The following ZNF787 variants were observed in gnomAD, a reference collection of about 807,000 sequenced individuals.
ZNF787 encodes zinc finger protein 787, also known as TTF-I-interacting peptide 20.
In ZNF787, 7 loss-of-function variants were observed where a neutral mutation model predicts 16.9. That is an observed-to-expected ratio of 0.42 (90% confidence interval 0.24 to 0.78). The LOEUF (loss-of-function observed/expected upper bound fraction) is 0.78. Among genes scored for constraint, ZNF787 ranks in the 30% least tolerant of loss-of-function variants. ZNF787 has a pLI of 0.30. For synonymous variants in ZNF787, 345 were observed against 270.9 expected (o/e 1.27, Z -2.69); for missense variants, 551 against 589.3 (o/e 0.94, Z 0.67).
chr19:56,100,569 TG>T (rs770792051), intron 2 of ZNF787, among the ~76,000 whole-genome samples: 1 of 152,234 alleles, frequency 6.6e-6, no homozygotes, highest in East Asian at 1.9e-4. Flanking sequence ...GCCTGCCCCA[TG>T]GGCCCCCATA....
chr19:56,116,916 A>G (rs2123432813), intron 1 of ZNF787, among the ~76,000 whole-genome samples: 1 of 152,336 alleles, frequency 6.6e-6, no homozygotes, highest in Middle Eastern at 3.4e-3. Flanking sequence ...CACGGATTAA[A>G]TCCCAGGTCC....
chr19:56,096,313 G>C (rs1374260585), intron 2 of ZNF787, among the ~76,000 whole-genome samples: 1 of 152,188 alleles, frequency 6.6e-6, no homozygotes. Flanking sequence ...CAGCTACTCA[G>C]GAGGCTGAGG....
rs565807145 is a variant in ZNF787, at chr19:56,093,098, T to C, written c.80-4006A>G. 7.0e-5 allele frequency among the ~76,000 whole-genome samples: 10 copies of C among 142,892 alleles called. No individual in the cohort carries two copies. The South Asian group carries it at 1.3e-3, about 19-fold the overall frequency. 93.7% of individuals were successfully genotyped at this position (142,892 alleles called of 152,430 possible). ...GGGGTAGCGGAAGTGGAATATTCCA[T>C]AGACACAGGGGATGGCGGAAGTGGG... On this transcript the variant is annotated intron_variant, in intron 2 of 2. Transcript: ENST00000610935.
intron 1 of ZNF787, among the ~76,000 whole-genome samples, chr19:56,108,944 C>G (rs1050713557): frequency 1.3e-5 from 2 of 152,146 alleles, no homozygotes; most frequent in African/African-American, 4.8e-5. Flanking sequence ...ATGCTTCTTG[C>G]AGAGACAGCC....
chr19:56,095,485 C>T (rs1290673384), intron 2 of ZNF787, among the ~76,000 whole-genome samples: 1 of 152,152 alleles, frequency 6.6e-6, no homozygotes, highest in Admixed American at 6.5e-5. Flanking sequence ...TTCTAGGAGG[C>T]GGCTTGGTTC....
chr19:56,101,311 G>T (rs1354220136), intron 2 of ZNF787, among the ~76,000 whole-genome samples: 1 of 152,266 alleles, frequency 6.6e-6, no homozygotes, highest in African/African-American at 2.4e-5. Flanking sequence ...ATCTTTGACA[G>T]CCGAGCAAGG....
At chr19:56,115,923 CA>C (rs2030123301) in intron 1 of ZNF787, among the ~76,000 whole-genome samples, 2 of 152,156 alleles carry the variant, frequency 1.3e-5, no homozygotes, top group Admixed American at 1.3e-4. Context: ...GTTTAAAAGA[CA>C]AAACAGTCTT....
At chr19:56,090,013 A>G (rs751685371) in intron 2 of ZNF787, among the ~76,000 whole-genome samples, 1 of 152,148 alleles carries the variant, frequency 6.6e-6, no homozygotes, top group Non-Finnish European at 1.5e-5. Flanking sequence ...CAGCAAGTGC[A>G]TCTCTGACCC....
chr19:56,088,002 C>CTCCCGCCAAGCCCGAGGGGCCCTGCCCG lies in ZNF787; in HGVS notation c.*20_*21insCGGGCAGGGCCCCTCGGGCTTGGCGGGA. 2.2e-5 allele frequency: 1 copy of CTCCCGCCAAGCCCGAGGGGCCCTGCCCG among 45,538 alleles called. No individual in the cohort carries two copies. Among genetic ancestry groups the CTCCCGCCAAGCCCGAGGGGCCCTGCCCG allele is most frequent in the Non-Finnish European group, 4.2e-5 (1 of 23,934 alleles). The allele number at this position is 45,538 out of a possible 1,614,324, so 2.8% of individuals were successfully genotyped here. ...GCCAAGCCCGAGGGGCCCTGCCCGCCCCCCCCCCCGGGCCCCTCCCCTACC... is the reference window on the plus strand; with the variant it reads ...GCCAAGCCCGAGGGGCCCTGCCCGCCTCCCGCCAAGCCCGAGGGGCCCTGCCCGCCCCCCCCCGGGCCCCTCCCCTACC... On this transcript the variant is annotated 3_prime_UTR_variant, in exon 3 of 3. Transcript: ENST00000610935. This position sits in a 1 kb window ranked among gnomAD's most constrained non-coding sequence, Gnocchi z 8.6.
intron 2 of ZNF787, among the ~76,000 whole-genome samples, chr19:56,093,464 G>A (rs1215679660): frequency 3.3e-5 from 5 of 152,064 alleles, no homozygotes; most frequent in Non-Finnish European, 7.4e-5. Context: ...TGCACGCACC[G>A]TCCTCCTTCC....
intron 1 of ZNF787, among the ~76,000 whole-genome samples, chr19:56,113,510 C>T (rs1014768265): frequency 1.3e-5 from 2 of 152,176 alleles, no homozygotes; most frequent in Admixed American, 6.6e-5. Flanking sequence ...CATCCATGAC[C>T]GTAATGGAAC....
In ZNF787 at chr19:56,087,410, A is replaced by C. The variant is rs965532992; in HGVS notation, c.*613T>G. On this transcript the variant is annotated 3_prime_UTR_variant, in exon 3 of 3. Coordinates refer to ENST00000610935, the MANE Select transcript of ZNF787 (RefSeq NM_001002836.4). Reference sequence around the variant, plus strand: ...TTATTGTTCCAGCACCCCTTCCTCCACCACGCCCAGGCCTGGGACAAACGG... The same window carrying C: ...TTATTGTTCCAGCACCCCTTCCTCCCCCACGCCCAGGCCTGGGACAAACGG... 1.3e-4 allele frequency: 19 copies of C among 151,668 alleles called. No homozygotes were observed. Among genetic ancestry groups the C allele is most frequent in the African/African-American group, 4.6e-4 (19 of 41,192 alleles). The allele number at this position is 151,668 out of a possible 1,614,324, so 9.4% of individuals were successfully genotyped here.
At chr19:56,107,374 C>T (rs1028444682) in intron 1 of ZNF787, among the ~76,000 whole-genome samples, 4 of 152,290 alleles carry the variant, frequency 2.6e-5, no homozygotes, top group East Asian at 1.9e-4. Context: ...ATGAAGGCCG[C>T]GCTCTCCAGG....
At chr19:56,092,446 C>T (rs1199247872) in intron 2 of ZNF787, among the ~76,000 whole-genome samples, 2 of 152,272 alleles carry the variant, frequency 1.3e-5, no homozygotes, top group Admixed American at 1.3e-4. Flanking sequence ...TCCTGCCCCA[C>T]CTGCAGCACC....
At chr19:56,090,381 T>C (rs1391088654) in intron 2 of ZNF787, among the ~76,000 whole-genome samples, 1 of 151,214 alleles carries the variant, frequency 6.6e-6, no homozygotes, top group Non-Finnish European at 1.5e-5. Context: ...GTAGACTGGG[T>C]CCAAGAAACA....
chr19:56,099,702 C>A (rs1396974351), intron 2 of ZNF787, among the ~76,000 whole-genome samples: 1 of 95,030 alleles, frequency 1.1e-5, no homozygotes, highest in Non-Finnish European at 2.3e-5. Flanking sequence ...CAGAGTGAGG[C>A]TCCGTCTCAA....
intron 1 of ZNF787, among the ~76,000 whole-genome samples, chr19:56,106,228 A>ACT (rs1986306878): frequency 6.6e-6 from 1 of 151,678 alleles, no homozygotes; most frequent in African/African-American, 2.4e-5. Context: ...TGCGTGTCTG[A>ACT]CTCTTCCACA....
chr19:56,097,116 C>T (rs368718523), intron 2 of ZNF787, among the ~76,000 whole-genome samples: 5 of 152,202 alleles, frequency 3.3e-5, no homozygotes, highest in Admixed American at 1.3e-4. Context: ...CCCAGCTCCA[C>T]GGCCCAGGCA....
chr19:56,087,715 C>T lies in ZNF787; in HGVS notation c.*308G>A. 2 of 232,842 alleles carry T rather than the reference C, an allele frequency of 8.6e-6. No individual in the cohort carries two copies. The highest frequency in any genetic ancestry group is 1.6e-5 in the Non-Finnish European group (2 of 124,564). 14.4% of individuals were successfully genotyped at this position (232,842 alleles called of 1,614,324 possible). On this transcript the variant is annotated 3_prime_UTR_variant, in exon 3 of 3. Coordinates refer to ENST00000610935, the MANE Select transcript of ZNF787 (RefSeq NM_001002836.4). ...GAGGAAGAGCAGGGAAAATGGCCTT[C>T]CGCTTGGGGCCTGGTCGCCACTCGG...
Sources: allele counts gnomAD v4.1 joint callset (sites outside exome capture counted in the v4.1 genomes callset), GRCh38; gene constraint gnomAD v4.1.1; non-coding constraint Gnocchi (gnomAD v3.1); transcripts MANE v1.5; gene names NCBI Gene and HGNC (gene_info 2026-07-23, HGNC 2026-07-21).